The following ZBED6 variants were observed in gnomAD, a reference collection of about 807,000 sequenced individuals.
ZBED6 encodes zinc finger BED-type containing 6, also known as zinc finger BED domain-containing protein 6.
Under a neutral mutation model 58.4 loss-of-function variants are expected in ZBED6, and 40 were observed. The ratio of observed to expected loss-of-function variants is 0.68; its 90% confidence interval spans 0.53 to 0.89. ZBED6 has a LOEUF of 0.89. Among genes scored for constraint, ZBED6 ranks in the 40% least tolerant of loss-of-function variants. The probability of loss-of-function intolerance (pLI) is 0.00; values close to 1 mark genes in which losing one functional copy is unlikely to be tolerated. For synonymous variants in ZBED6, 439 were observed against 350.6 expected, an observed-to-expected ratio of 1.25 and a Z score of -2.82; for missense variants, 1,057 against 1,003.9, an observed-to-expected ratio of 1.05 and a Z score of -0.71.
intron 3 of ZBED6, among the ~76,000 whole-genome samples, chr1:203,827,159 G>A (rs976658197): frequency 2.0e-5 from 3 of 151,938 alleles, no homozygotes; most frequent in Non-Finnish European, 2.9e-5. Flanking sequence ...TCTGTTGTAC[G>A]AATACTTTAC....
In ZBED6 at chr1:203,848,313, T is replaced by C; in HGVS notation, c.*4246-18T>C. Reference sequence around the variant, plus strand: ...AGCTTAAATAAAATAACTAATGATGTCTTTAATGTGAATACAGGGATGAAA... The same window carrying C: ...AGCTTAAATAAAATAACTAATGATGCCTTTAATGTGAATACAGGGATGAAA... On this transcript the variant is annotated intron_variant, in intron 12 of 16. Coordinates refer to ENST00000550078, the Ensembl canonical transcript of ZBED6. The C allele has an allele frequency of 6.3e-7, 1 of 1,589,994 alleles. No individual in the cohort carries two copies. Among genetic ancestry groups the C allele is most frequent in the Non-Finnish European group, 8.5e-7 (1 of 1,170,230 alleles).
exon 1 of ZBED6, chr1:203,798,617 C>G: frequency 2.0e-6 from 3 of 1,536,100 alleles, no homozygotes; most frequent in Non-Finnish European, 2.6e-6. Flanking sequence ...ACCTTAGTGA[C>G]TCTGATTCAG....
chr1:203,802,565 A>G (rs990957376), exon 1 of ZBED6: 1 of 152,326 alleles, frequency 6.6e-6, no homozygotes, highest in African/African-American at 2.4e-5. Context: ...TTTTTTCTTA[A>G]TAGGTGAAGA....
chr1:203,813,514 CAT>C (rs1032042563), intron 1 of ZBED6, among the ~76,000 whole-genome samples: 35 of 152,224 alleles, frequency 2.3e-4, no homozygotes, highest in African/African-American at 7.9e-4. Context: ...GTTCCAGTAA[CAT>C]ATGTTGAAAA....
At chr1:203,815,553 T>C (rs1572043739) in intron 1 of ZBED6, among the ~76,000 whole-genome samples, 1 of 152,112 alleles carries the variant, frequency 6.6e-6, no homozygotes. Context: ...TGATAACATT[T>C]ATTGTGCATT....
rs774771270 is a variant in ZBED6 at position 203,830,925 on chromosome 1, A to ATTTTTTT, written c.*3400-704_*3400-698dup. Among the ~76,000 whole-genome samples, 18 of 51,386 alleles carry ATTTTTTT rather than the reference A, an allele frequency of 3.5e-4. 2 individuals are homozygous for ATTTTTTT. Among genetic ancestry groups the ATTTTTTT allele is most frequent in the African/African-American group, 3.5e-4 (5 of 14,090 alleles). The allele number at this position is 51,386 out of a possible 152,430, so 33.7% of individuals were successfully genotyped here. A position where few individuals can be genotyped will look rare whatever the true frequency, so the allele number is the denominator to read the frequency against. On this transcript the variant is annotated intron_variant, in intron 7 of 16. Coordinates refer to ENST00000550078, the Ensembl canonical transcript of ZBED6. ...GATTGCTCTGTATTTCCAACCCCCA[A>ATTTTTTT]TTTTTTTTTTTTTTTTTTTTTTTTT...
At chr1:203,834,972 G>A (rs868589770) in intron 9 of ZBED6, among the ~76,000 whole-genome samples, 2 of 152,184 alleles carry the variant, frequency 1.3e-5, no homozygotes, top group Non-Finnish European at 2.9e-5. Context: ...AATTTTTTCT[G>A]ACTTCAGAAT....
intron 16 of ZBED6, among the ~76,000 whole-genome samples, chr1:203,851,593 G>T (rs1370841222): frequency 2.0e-5 from 3 of 152,132 alleles, no homozygotes; most frequent in Admixed American, 1.3e-4. Context: ...TCTTCCCAAA[G>T]TGCTGGGATT....
exon 17 of ZBED6, chr1:203,852,944 T>C (rs1482096011): frequency 6.3e-6 from 1 of 158,592 alleles, no homozygotes; most frequent in Non-Finnish European, 1.4e-5. Flanking sequence ...GCTGAGCAGC[T>C]CAGGAAGCCT....
chr1:203,809,928 T>G (rs896335690), intron 1 of ZBED6, among the ~76,000 whole-genome samples: 5 of 152,106 alleles, frequency 3.3e-5, no homozygotes, highest in Admixed American at 1.3e-4. Flanking sequence ...CACTCCAGGT[T>G]TGGGCAACAG....
At chr1:203,805,956 C>T (rs1223604004) in intron 1 of ZBED6, 6 of 620,410 alleles carry the variant, frequency 9.7e-6, no homozygotes, top group South Asian at 4.2e-5. Context: ...TAGCATCAAC[C>T]GTGGTCTTGG....
At chr1:203,822,706 G>A (rs578205943) in intron 3 of ZBED6, among the ~76,000 whole-genome samples, 1 of 152,200 alleles carries the variant, frequency 6.6e-6, no homozygotes, top group African/African-American at 2.4e-5. Context: ...ACTTGTCAGG[G>A]TACCCTTTCA....
chr1:203,816,996 T>G, exon 2 of ZBED6: 1 of 1,075,604 alleles, frequency 9.3e-7, no homozygotes, highest in East Asian at 2.6e-5. Flanking sequence ...CACGAGGACT[T>G]GGAGCCTGGT....
chr1:203,796,551 C>A lies in ZBED6; in HGVS notation c.-972C>A. Reference sequence around the variant, plus strand: ...TGTTGACATCTTCCAGGCCTTGGTTCTGGACCTTGAGAAAGAGGCTGTGGA... The same window carrying A: ...TGTTGACATCTTCCAGGCCTTGGTTATGGACCTTGAGAAAGAGGCTGTGGA... On this transcript the variant is annotated 5_prime_UTR_variant, in exon 1 of 17. The change creates a new upstream start codon in the 5' untranslated region. Coordinates refer to ENST00000550078, the Ensembl canonical transcript of ZBED6. The A allele has an allele frequency of 2.5e-6, 1 of 398,692 alleles. No homozygotes were observed. The allele number at this position is 398,692 out of a possible 1,614,324, so 24.7% of individuals were successfully genotyped here. A position where few individuals can be genotyped will look rare whatever the true frequency, so the allele number is the denominator to read the frequency against.
exon 12 of ZBED6, chr1:203,847,247 C>T: frequency 1.9e-6 from 3 of 1,613,690 alleles, no homozygotes; most frequent in Non-Finnish European, 2.5e-6. Context: ...CTTGAAAGAG[C>T]CAGTCAGAAA....
At chr1:203,847,272 A>G (rs761745558) in exon 12 of ZBED6, 1 of 1,613,960 alleles carries the variant, frequency 6.2e-7, no homozygotes, top group Admixed American at 1.7e-5. Context: ...GAGAATTGCA[A>G]ACTAAACTCA....
chr1:203,798,563 G>C (rs1241013155), exon 1 of ZBED6: 1 of 1,536,140 alleles, frequency 6.5e-7, no homozygotes, highest in Non-Finnish European at 8.7e-7. Context: ...GTGATACCTT[G>C]CATGGAGAAA....
chr1:203,812,736 C>T (rs1674944636), intron 1 of ZBED6, among the ~76,000 whole-genome samples: 1 of 151,732 alleles, frequency 6.6e-6, no homozygotes. Context: ...TGTGTGCTAC[C>T]ACGGCCAGCT....
chr1:203,824,061 G>C (rs1679667849), intron 3 of ZBED6, among the ~76,000 whole-genome samples: 1 of 152,028 alleles, frequency 6.6e-6, no homozygotes, highest in Non-Finnish European at 1.5e-5. Flanking sequence ...CTGAGGTCAG[G>C]AGTTTGAGAC....
Sources: gnomAD v4.1 joint callset for allele counts (sites outside exome capture counted in the v4.1 genomes callset) on GRCh38, gnomAD v4.1.1 for gene constraint, MANE v1.5 for transcripts, NCBI Gene and HGNC (gene_info 2026-07-23, HGNC 2026-07-21) for gene names.